SNX1: variants seen among roughly 807,000 people sequenced by gnomAD.
SNX1 encodes the protein sorting nexin-1.
SNX1 carries 36 observed loss-of-function variants against 71.8 expected under a neutral mutation model. The observed-to-expected ratio is 0.50, with a 90% CI of 0.38 to 0.66. The LOEUF (loss-of-function observed/expected upper bound fraction) is 0.66. Ranked by LOEUF, SNX1 falls within the 30% of genes least tolerant of loss-of-function variation. The pLI, the probability that SNX1 is intolerant of heterozygous loss-of-function variation, is 0.00. For synonymous variants in SNX1, 254 were observed against 240.7 expected, an observed-to-expected ratio of 1.06 and a Z score of -0.51; for missense variants, 612 against 646.7, an observed-to-expected ratio of 0.95 and a Z score of 0.58.
In SNX1 at chr15:64,137,678, C is replaced by T; in HGVS notation, c.*60C>T. On this transcript the variant is annotated 3_prime_UTR_variant, in exon 15 of 15. Coordinates refer to ENST00000559844, the MANE Select transcript of SNX1 (RefSeq NM_003099.5). ...CTGCCTTTTTATACACTGTCCTCCT[C>T]CACCTTGATGGACCCCTAGTGATGC... The T allele has an allele frequency of 6.2e-7, 1 of 1,611,728 alleles. No individual in the cohort carries two copies. Among genetic ancestry groups the T allele is most frequent in the South Asian group, 1.1e-5 (1 of 90,702 alleles).
chr15:64,115,516 T>C (rs1053860222), intron 2 of SNX1: 4 of 402,182 alleles, frequency 9.9e-6, no homozygotes, highest in Non-Finnish European at 1.9e-5. Context: ...AGTTTTGGCA[T>C]CTTTGTCACA....
In SNX1 at chr15:64,124,700, T is replaced by C. The variant is rs2081232401; in HGVS notation, c.510+1154T>C. Among the ~76,000 whole-genome samples, 4 of 152,282 alleles carry C rather than the reference T, an allele frequency of 2.6e-5. 1 individual carries two copies. The South Asian group carries it at 8.3e-4, about 32-fold the overall frequency. The stretch of plus-strand genomic sequence containing the variant: ...TTGTAACTGGGAACTTTCTTGCACA[T>C]CTCTAGTACACACGTAGAAGGATTT... On this transcript the variant is annotated intron_variant, in intron 5 of 14. Coordinates refer to ENST00000559844, the MANE Select transcript of SNX1 (RefSeq NM_003099.5).
chr15:64,101,350 G>C (rs931078406), intron 1 of SNX1, among the ~76,000 whole-genome samples: 1 of 152,166 alleles, frequency 6.6e-6, no homozygotes, highest in Non-Finnish European at 1.5e-5. Context: ...CCTCATATAA[G>C]TTGGAGTCAA....
rs1490540231 is a variant in SNX1 at position 64,138,145 on chromosome 15, C to T, written c.*527C>T. The T allele has an allele frequency of 1.3e-6, 2 of 1,535,698 alleles. No individual in the cohort carries two copies. Among genetic ancestry groups the T allele is most frequent in the Non-Finnish European group, 1.7e-6 (2 of 1,146,894 alleles). On this transcript the variant is annotated 3_prime_UTR_variant, in exon 15 of 15. Transcript: ENST00000559844. ...GTTCACAAGTTTTGTGCTGCTGCTT[C>T]CCTCTGGAAATGGGGTTTCTTTCTC... is the stretch of plus-strand genomic sequence containing the variant.
chr15:64,123,394 C>T lies in SNX1; in HGVS notation c.467-109C>T, dbSNP rs534409200. On this transcript the variant is annotated intron_variant, in intron 4 of 14. Coordinates refer to ENST00000559844, the MANE Select transcript of SNX1 (RefSeq NM_003099.5). ...AAAGCTTGGAGATGAAACAAGCATC[C>T]CTTCTTATCCAGGGTTCCTATGGCT... The T allele has an allele frequency of 2.7e-5, 24 of 901,978 alleles. No individual in the cohort carries two copies. In the East Asian group the frequency reaches 6.0e-4, roughly 23 times the overall value. 55.9% of individuals were successfully genotyped at this position (901,978 alleles called of 1,614,324 possible).
At position 64,118,142 on chromosome 15, in the gene SNX1, C is replaced by T. The variant is rs2081151755; in HGVS notation, c.297C>T (p.Asp99=). 1.2e-6 allele frequency: 2 copies of T among 1,612,396 alleles called. No individual in the cohort carries two copies. The highest frequency in any genetic ancestry group is 1.3e-5 in the African/African-American group (1 of 74,768). Residue 99 remains aspartate, a synonymous_variant, in exon 3 of 15, where the codon GAC becomes GAT. Coordinates refer to ENST00000559844, the MANE Select transcript of SNX1 (RefSeq NM_003099.5). ...ATGCCACAGTGGAGCTATCCTTGGACAGCACACAAAATAATCAGAAGAAGG... is the reference window on the plus strand; with the variant it reads ...ATGCCACAGTGGAGCTATCCTTGGATAGCACACAAAATAATCAGAAGAAGG... ...FADATVELSL[D]STQNNQKKVL... is the part of the protein sequence containing the mutation.
At chr15:64,131,956 C>G in intron 11 of SNX1, 64 bp downstream of exon 11, 2 of 1,549,196 alleles carry the variant, frequency 1.3e-6, no homozygotes, top group Non-Finnish European at 8.9e-7. Context: ...TTGCTGGTCC[C>G]CTTCCCAAGA....
chr15:64,128,897 A>C (rs755059271), intron 8 of SNX1, among the ~76,000 whole-genome samples: 3 of 152,068 alleles, frequency 2.0e-5, no homozygotes, highest in Non-Finnish European at 2.9e-5. Context: ...TAACAACCAC[A>C]ATCATCTCCA....
chr15:64,131,490 C>A (rs797006224), intron 10 of SNX1, 197 bp from the exon 11 acceptor site: 3 of 585,496 alleles, frequency 5.1e-6, no homozygotes, highest in Non-Finnish European at 9.0e-6. Flanking sequence ...GCCTCTCCCT[C>A]CTGCTCCTGT....
intron 5 of SNX1, among the ~76,000 whole-genome samples, chr15:64,125,370 C>T (rs1740769291): frequency 6.9e-6 from 1 of 145,860 alleles, no homozygotes; most frequent in South Asian, 2.1e-4. Flanking sequence ...GAGGCTGAGA[C>T]AAGAGAATTG....
At position 64,112,680 on chromosome 15, in the gene SNX1, T is replaced by C. The variant is rs2081089220; in HGVS notation, c.267T>C (p.Phe89=). 6.2e-7 allele frequency: 1 copy of C among 1,608,900 alleles called. No homozygotes were observed. Among genetic ancestry groups the C allele is most frequent in the African/African-American group, 1.3e-5 (1 of 74,722 alleles). ...EEQDQEPQDL[F]ADATVELSLD... ...AAGACCAAGAGCCACAGGATCTCTT[T>C]GCAGGCAAGTTTGGACTCAAAAGTT... Residue 89 remains phenylalanine (F), a synonymous_variant, in exon 2 of 15, where the codon TTT becomes TTC. Transcript: ENST00000559844.
At chr15:64,105,452 T>G (rs963316309) in intron 1 of SNX1, among the ~76,000 whole-genome samples, 2 of 152,224 alleles carry the variant, frequency 1.3e-5, no homozygotes, top group African/African-American at 4.8e-5. Flanking sequence ...AAATAAATCA[T>G]GAGTAGTTGA....
In SNX1 at chr15:64,137,968, C is replaced by A; in HGVS notation, c.*350C>A. ...ACGTTTTCTGTTACTCCTGATGGTG[C>A]CATGAAAAGGTTATGTAATAAAATA... On this transcript the variant is annotated 3_prime_UTR_variant, in exon 15 of 15. Transcript: ENST00000559844. 7.0e-7 allele frequency: 1 copy of A among 1,438,090 alleles called. No individual in the cohort carries two copies. The highest frequency in any genetic ancestry group is 1.5e-5 in the South Asian group (1 of 65,500). The allele number at this position is 1,438,090 out of a possible 1,614,324, so 89.1% of individuals were successfully genotyped here.
intron 1 of SNX1, among the ~76,000 whole-genome samples, chr15:64,107,165 C>T (rs1480460150): frequency 6.6e-6 from 1 of 152,172 alleles, no homozygotes; most frequent in African/African-American, 2.4e-5. Context: ...TCTATCTTGC[C>T]TTACTATGAA....
intron 1 of SNX1, 57 bp from the exon 2 acceptor site, chr15:64,112,516 C>T: frequency 8.2e-7 from 1 of 1,220,000 alleles, no homozygotes; most frequent in Non-Finnish European, 1.2e-6. Context: ...GCTTTCTAGG[C>T]AAGTTGGGTT....
In SNX1 at chr15:64,129,303, T is replaced by G. The variant is rs67286432; in HGVS notation, c.808-613T>G. Among the ~76,000 whole-genome samples the G allele has an allele frequency of 0.049, 7,468 of 152,256 alleles. 213 individuals are homozygous for G. Among genetic ancestry groups the G allele is most frequent in the South Asian group, 0.085 (410 of 4,816 alleles). The stretch of plus-strand genomic sequence containing the variant: ...GTCCTGAACACTAAAATCTGACTTT[T>G]TAGCATAGTGTGCTGTATATGCTAT... On this transcript the variant is annotated intron_variant, in intron 8 of 14. Coordinates refer to ENST00000559844, the MANE Select transcript of SNX1 (RefSeq NM_003099.5). This position sits in a 1 kb window ranked among gnomAD's most constrained non-coding sequence, Gnocchi z 4.4.
intron 4 of SNX1, among the ~76,000 whole-genome samples, chr15:64,122,537 T>G (rs2081206343): frequency 2.0e-5 from 3 of 152,184 alleles, no homozygotes; most frequent in Non-Finnish European, 4.4e-5. Context: ...AGTTGTAATG[T>G]GGGAAGCTGC....
intron 5 of SNX1, among the ~76,000 whole-genome samples, chr15:64,124,570 C>T (rs2081231109): frequency 6.6e-6 from 1 of 150,666 alleles, no homozygotes; most frequent in Non-Finnish European, 1.5e-5. Context: ...AGCATTGTTT[C>T]TCTCACCCAT....
intron 2 of SNX1, among the ~76,000 whole-genome samples, 155 bp from the exon 3 acceptor site, chr15:64,117,962 C>G (rs182986842): frequency 6.6e-6 from 1 of 152,198 alleles, no homozygotes; most frequent in Non-Finnish European, 1.5e-5. Flanking sequence ...ACCTTCCTCC[C>G]CTTTTCTCCT....
Sources: gnomAD v4.1 joint callset for allele counts (sites outside exome capture counted in the v4.1 genomes callset) on GRCh38, gnomAD v4.1.1 for gene constraint, Gnocchi (gnomAD v3.1) non-coding constraint, MANE v1.5 for transcripts, NCBI Gene and HGNC (gene_info 2026-07-23, HGNC 2026-07-21) for gene names.